The following RARRES1 variants were observed in gnomAD, a reference collection of about 807,000 sequenced individuals.
The protein encoded by RARRES1 is retinoic acid receptor responder protein 1.
RARRES1 carries 34 observed loss-of-function variants against 30.6 expected under a neutral mutation model. The observed-to-expected ratio is 1.11, with a 90% CI of 0.84 to 1.48. The LOEUF is 1.48. RARRES1 is among the 40% of genes most tolerant of loss of function. The pLI is 0.00. For missense variants in RARRES1, 373 were observed against 386.5 expected (o/e 0.97, Z 0.29); for synonymous variants, 153 against 155.5 (o/e 0.98, Z 0.12).
chr3:158,702,265 C>A (rs533222806), intron 4 of RARRES1, among the ~76,000 whole-genome samples: 36 of 152,306 alleles, frequency 2.4e-4, no homozygotes, highest in Admixed American at 6.5e-4. Context: ...GTCTCCATCT[C>A]CTGACCTCAT....
At chr3:158,709,964 A>G (rs1727055317) in intron 3 of RARRES1, among the ~76,000 whole-genome samples, 1 of 152,210 alleles carries the variant, frequency 6.6e-6, no homozygotes, top group South Asian at 2.1e-4. Flanking sequence ...ACTCCCCTGC[A>G]GCATCCCAGA....
chr3:158,719,269 ATTTTT>A (rs574609197), intron 1 of RARRES1, among the ~76,000 whole-genome samples: 1 of 122,140 alleles, frequency 8.2e-6, no homozygotes, highest in Non-Finnish European at 1.7e-5. Context: ...TTATGCTCTA[ATTTTT>A]TTTTTTTTTT....
intron 4 of RARRES1, 25 bp from the exon 5 acceptor site, chr3:158,697,995 G>A (rs1442618323): frequency 1.4e-6 from 2 of 1,434,312 alleles, no homozygotes; most frequent in Non-Finnish European, 1.9e-6. Context: ...AAGAGTTAGT[G>A]TAATAAATAT....
At chr3:158,713,292 G>A (rs185882129) in intron 2 of RARRES1, among the ~76,000 whole-genome samples, 2 of 152,258 alleles carry the variant, frequency 1.3e-5, no homozygotes, top group African/African-American at 4.8e-5. Context: ...AGGAAACTTG[G>A]CAAAACATGG....
intron 1 of RARRES1, among the ~76,000 whole-genome samples, chr3:158,726,140 A>G (rs547815247): frequency 2.0e-5 from 3 of 152,240 alleles, no homozygotes; most frequent in Admixed American, 6.5e-5. Context: ...GTATTTTATT[A>G]CTTATCTTCT....
chr3:158,709,971 C>G (rs1444191291), intron 3 of RARRES1, among the ~76,000 whole-genome samples: 1 of 152,188 alleles, frequency 6.6e-6, no homozygotes, highest in Non-Finnish European at 1.5e-5. Context: ...TGCAGCATCC[C>G]AGAGAGGGCT....
intron 1 of RARRES1, among the ~76,000 whole-genome samples, chr3:158,725,172 A>G (rs945254420): frequency 1.3e-5 from 2 of 152,168 alleles, no homozygotes; most frequent in African/African-American, 2.4e-5. Context: ...CATCCTGAAC[A>G]ACCATAGCAA....
intron 1 of RARRES1, among the ~76,000 whole-genome samples, chr3:158,726,732 T>TAAACA (rs1727701093): frequency 6.6e-6 from 1 of 152,170 alleles, no homozygotes; most frequent in Non-Finnish European, 1.5e-5. Context: ...CCACCATAAG[T>TAAACA]AAACAAAAAT....
Position 158,710,883 on chromosome 3 carries a change from C to T in RARRES1, c.390G>A (p.Val130=). The change falls in exon 3 of 6, where the codon GTG becomes GTA. Residue 130 remains valine, a synonymous_variant. Transcript: ENST00000237696. ...EGRLGKCSAR[V]FFKNQKPRPT... ...GTCTGGGTTTCTGATTCTTGAAAAA[C>T]ACTCGAGCAGAACATTTCCCCAAAC... 6.2e-7 allele frequency: 1 copy of T among 1,614,090 alleles called. No homozygotes were observed. The highest frequency in any genetic ancestry group is 1.1e-5 in the South Asian group (1 of 91,074).
intron 1 of RARRES1, among the ~76,000 whole-genome samples, chr3:158,731,262 C>A (rs1727877119): frequency 6.6e-6 from 1 of 152,186 alleles, no homozygotes; most frequent in Non-Finnish European, 1.5e-5. Context: ...TAAAACTCGA[C>A]CTATTTATTA....
At chr3:158,707,175 AC>A (rs1726950789) in intron 3 of RARRES1, among the ~76,000 whole-genome samples, 2 of 152,030 alleles carry the variant, frequency 1.3e-5, no homozygotes, top group Non-Finnish European at 2.9e-5. Context: ...AAACAAACAA[AC>A]AAACAAAAAA....
At chr3:158,726,306 G>A (rs1282537151) in intron 1 of RARRES1, among the ~76,000 whole-genome samples, 3 of 152,222 alleles carry the variant, frequency 2.0e-5, no homozygotes, top group African/African-American at 2.4e-5. Flanking sequence ...TTGTATTAAT[G>A]TGCTTTATAG....
intron 4 of RARRES1, among the ~76,000 whole-genome samples, chr3:158,698,937 C>T (rs754923145): frequency 6.6e-6 from 1 of 152,188 alleles, no homozygotes; most frequent in Admixed American, 6.5e-5. Flanking sequence ...TTACCAGACA[C>T]TCCCTGCATG....
rs1000994098 is a variant in RARRES1 at position 158,723,567 on chromosome 3, G to A, written c.276+8573C>T. Among the ~76,000 whole-genome samples the A allele has an allele frequency of 1.2e-4, 18 of 152,350 alleles. No individual in the cohort carries two copies. The highest frequency in any genetic ancestry group is 7.2e-4 in the Admixed American group (11 of 15,300). The stretch of plus-strand genomic sequence containing the variant: ...TCAGGCCCAGGCAGTGGGGCCCAAG[G>A]AGCTCTTTGCGTGCGAATGCTTTGC... On this transcript the variant is annotated intron_variant, in intron 1 of 5. Transcript: ENST00000237696. The surrounding 1 kb of genome is among the most constrained non-coding windows in gnomAD (Gnocchi z 4.4).
chr3:158,716,469 A>G (rs746476109), intron 1 of RARRES1, among the ~76,000 whole-genome samples: 2 of 152,200 alleles, frequency 1.3e-5, no homozygotes, highest in Non-Finnish European at 2.9e-5. Context: ...TTGACGCAAC[A>G]GTGCTCTGGA....
rs371205100 is a variant in RARRES1 at position 158,724,320 on chromosome 3, G to C, written c.276+7820C>G. Among the ~76,000 whole-genome samples the C allele has an allele frequency of 3.9e-4, 59 of 152,188 alleles. 1 individual carries two copies. The highest frequency in any genetic ancestry group is 1.4e-3 in the African/African-American group (56 of 41,434). The stretch of plus-strand genomic sequence containing the variant: ...GAAGATGTCCACTGCCTAATCCCTG[G>C]CATCTGTGACTATGTTATTTTACAT... On this transcript the variant is annotated intron_variant, in intron 1 of 5. Transcript: ENST00000237696.
Position 158,697,986 on chromosome 3 carries a change from A to G in RARRES1, c.673-16T>C. On this transcript the variant is annotated splice_polypyrimidine_tract_variant and intron_variant, in intron 4 of 5. Coordinates refer to ENST00000237696, the MANE Select transcript of RARRES1 (RefSeq NM_206963.2). The stretch of plus-strand genomic sequence containing the variant: ...CATTAGTTTTCTAGAGGGAGAAAAA[A>G]GAGTTAGTGTAATAAATATGGTGGT... 1 of 1,469,470 alleles carries G rather than the reference A, an allele frequency of 6.8e-7. No homozygotes were observed. Among genetic ancestry groups the G allele is most frequent in the South Asian group, 1.2e-5 (1 of 85,682 alleles). The allele number at this position is 1,469,470 out of a possible 1,614,324, so 91.0% of individuals were successfully genotyped here.
intron 1 of RARRES1, among the ~76,000 whole-genome samples, chr3:158,714,342 CAGT>C (rs767919212): frequency 1.5e-4 from 23 of 152,102 alleles, no homozygotes; most frequent in Non-Finnish European, 2.1e-4. Context: ...TGAAGAAAGA[CAGT>C]GGTGGTGTAG....
At position 158,732,129 on chromosome 3, in the gene RARRES1, T is replaced by C; in HGVS notation, c.276+11A>G. On this transcript the variant is annotated intron_variant, in intron 1 of 5. Coordinates refer to ENST00000237696, the MANE Select transcript of RARRES1 (RefSeq NM_206963.2). The stretch of plus-strand genomic sequence containing the variant: ...GCAGGCGCGTGCCCCGGCGCGTCGC[T>C]CCGCACTCACCCACGCGCGGCCCTC... The C allele has an allele frequency of 8.2e-6, 11 of 1,344,488 alleles. No individual in the cohort carries two copies. Among genetic ancestry groups the C allele is most frequent in the Non-Finnish European group, 1.0e-5 (11 of 1,055,566 alleles). The allele number at this position is 1,344,488 out of a possible 1,614,324, so 83.3% of individuals were successfully genotyped here. A position where few individuals can be genotyped will look rare whatever the true frequency, so the allele number is the denominator to read the frequency against.
Sources: gnomAD v4.1 joint callset for allele counts (sites outside exome capture counted in the v4.1 genomes callset) on GRCh38, gnomAD v4.1.1 for gene constraint, Gnocchi (gnomAD v3.1) non-coding constraint, MANE v1.5 for transcripts, NCBI Gene and HGNC (gene_info 2026-07-23, HGNC 2026-07-21) for gene names.